The following ASPG variants were observed in gnomAD, a reference collection of about 807,000 sequenced individuals.
ASPG encodes asparaginase.
A neutral mutation model predicts 63.2 loss-of-function variants in ASPG; 53 were observed. That is an observed-to-expected ratio of 0.84 (90% CI 0.67 to 1.05). ASPG has a LOEUF of 1.05. ASPG is among the 50% of genes least tolerant of loss of function. The pLI is 0.00. For missense variants in ASPG, 741 were observed against 794.4 expected (o/e 0.93, Z 0.81); for synonymous variants, 370 against 355.0 (o/e 1.04, Z -0.48).
chr14:104,111,252 T>C (rs2141064530), intron 13 of ASPG: 5 of 917,036 alleles, frequency 5.5e-6, no homozygotes, highest in Middle Eastern at 5.6e-4. Flanking sequence ...CTGCTGTGTG[T>C]GCATGTGTGT....
In ASPG at chr14:104,098,043, GGTTTTGC is replaced by G. The variant is rs1305683787; in HGVS notation, c.513+410_513+416del. Among the ~76,000 whole-genome samples the G allele has an allele frequency of 7.8e-3, 634 of 81,730 alleles. 84 individuals are homozygous for G. The highest frequency in any genetic ancestry group is 0.012 in the Middle Eastern group (2 of 170). The allele number at this position is 81,730 out of a possible 152,430, so 53.6% of individuals were successfully genotyped here. ...GTTCTGCGTTAGAGATGCGTATGGA[GGTTTTGC>G]GTTAGAGATGCGTATGGAGGTTTTG... On this transcript the variant is annotated intron_variant, in intron 5 of 15. Transcript: ENST00000551177.
chr14:104,090,431 C>T (rs547371760), intron 1 of ASPG, among the ~76,000 whole-genome samples: 19 of 152,378 alleles, frequency 1.2e-4, no homozygotes, highest in African/African-American at 4.3e-4. Context: ...TTCCTGTGGC[C>T]ACTGTGCCGG....
chr14:104,107,321 C>G lies in ASPG; in HGVS notation c.1409C>G (p.Pro470Arg). 1 of 1,592,426 alleles carries G rather than the reference C, an allele frequency of 6.3e-7. No homozygotes were observed. Among genetic ancestry groups the G allele is most frequent in the East Asian group, 2.2e-5 (1 of 44,468 alleles). ...ACCCGGGACACGGATGGCTTCAGCCCGCTGCTGCTGGCCGTGCGGGGCAGG... is the reference window on the plus strand; with the variant it reads ...ACCCGGGACACGGATGGCTTCAGCCGGCTGCTGCTGGCCGTGCGGGGCAGG... The part of the protein sequence containing the change: ...VNTRDTDGFS[P>R]LLLAVRGRHP... Residue 470 changes from proline (P) to arginine (R), a missense_variant, in exon 12 of 16, where the codon CCG becomes CGG. By Grantham distance (103) the Pro-to-Arg change is moderately radical. Coordinates refer to ENST00000551177, the MANE Select transcript of ASPG (RefSeq NM_001080464.3).
At position 104,113,876 on chromosome 14, in the gene ASPG, G is replaced by C. The variant is rs1341290595; in HGVS notation, c.*1332G>C. 6.6e-6 allele frequency: 1 copy of C among 152,378 alleles called. No homozygotes were observed. The highest frequency in any genetic ancestry group is 1.5e-5 in the Non-Finnish European group (1 of 68,156). The allele number at this position is 152,378 out of a possible 1,614,324, so 9.4% of individuals were successfully genotyped here. A position where few individuals can be genotyped will look rare whatever the true frequency, so the allele number is the denominator to read the frequency against. Reference sequence around the variant, plus strand: ...CCATGAGGGGCTGCAGGTGGAGGGAGGGTGGCACCGGGCCCCAGAGCCAGG... The same window carrying C: ...CCATGAGGGGCTGCAGGTGGAGGGACGGTGGCACCGGGCCCCAGAGCCAGG... On this transcript the variant is annotated 3_prime_UTR_variant, in exon 16 of 16. Coordinates refer to ENST00000551177, the MANE Select transcript of ASPG (RefSeq NM_001080464.3).
At position 104,095,636 on chromosome 14, in the gene ASPG, G is replaced by A. The variant is rs1486419463; in HGVS notation, c.409G>A (p.Val137Ile). 6.2e-7 allele frequency: 1 copy of A among 1,612,936 alleles called. No individual in the cohort carries two copies. Among genetic ancestry groups the A allele is most frequent in the South Asian group, 1.1e-5 (1 of 91,088 alleles). Reference protein sequence around the residue: ...SFMLENLQKTVILTGAQVPIH... With the variant: ...SFMLENLQKTIILTGAQVPIH... ...CATGCTGGAGAACCTGCAGAAGACT[G>A]TCATCCTCACTGGGGCCCAGGTAAT... Residue 137 changes from valine (V) to isoleucine (I), a missense_variant, in exon 4 of 16, where the codon GTC (valine) becomes ATC (isoleucine). Transcript: ENST00000551177.
chr14:104,104,101 C>A (rs1170223119), intron 7 of ASPG, among the ~76,000 whole-genome samples: 1 of 152,238 alleles, frequency 6.6e-6, no homozygotes, highest in Admixed American at 6.5e-5. Flanking sequence ...CAGGGCGACC[C>A]TTTGGGAGAA....
intron 1 of ASPG, among the ~76,000 whole-genome samples, chr14:104,086,144 C>G (rs2036216612): frequency 6.6e-6 from 1 of 152,214 alleles, no homozygotes; most frequent in East Asian, 1.9e-4. Flanking sequence ...GGCCAGCGTC[C>G]TGAAGTCCTG....
At chr14:104,085,901 C>G (rs1346000128) in intron 1 of ASPG, 49 bp downstream of exon 1, 1 of 1,512,910 alleles carries the variant, frequency 6.6e-7, no homozygotes, top group Non-Finnish European at 8.8e-7. Context: ...TGGCCGCGAC[C>G]GGGAGCCTCG....
At chr14:104,112,024 C>G (rs1440617988) in intron 15 of ASPG, 24 bp downstream of exon 15, 1 of 1,542,734 alleles carries the variant, frequency 6.5e-7, no homozygotes. Context: ...CCAGGCGGGG[C>G]TGACACCCCC....
rs199784401 is a variant in ASPG at position 104,093,589 on chromosome 14, C to T, written c.290C>T (p.Ala97Val). ...ACCATCGCTGAGTGGGTTTGCCTTG[C>T]CCAGACCATCAAGGTAGTGGGGCTG... is the stretch of plus-strand genomic sequence containing the variant. ...DMTIAEWVCL[A>V]QTIKRHYEQY... Residue 97 changes from alanine to valine, a missense_variant, in exon 3 of 16, where the codon GCC becomes GTC. Ala to Val is a moderately conservative substitution (Grantham distance 64, BLOSUM62 0). Transcript: ENST00000551177. The T allele has an allele frequency of 1.6e-5, 25 of 1,604,328 alleles. No individual in the cohort carries two copies. In the East Asian group the frequency reaches 5.6e-4, roughly 36 times the overall value.
intron 10 of ASPG, 82 bp from the exon 11 acceptor site, chr14:104,106,717 G>T: frequency 8.0e-7 from 1 of 1,251,256 alleles, no homozygotes; most frequent in Non-Finnish European, 1.1e-6. Context: ...GGCTGGCAGG[G>T]GTCATACAGC....
intron 1 of ASPG, among the ~76,000 whole-genome samples, chr14:104,092,186 A>G (rs961158877): frequency 6.6e-6 from 1 of 152,108 alleles, no homozygotes; most frequent in African/African-American, 2.4e-5. Context: ...TGGTGTCCCA[A>G]TCTGGGCCTT....
intron 4 of ASPG, 100 bp downstream of exon 4, chr14:104,095,756 C>G (rs1482339895): frequency 6.7e-7 from 1 of 1,488,464 alleles, no homozygotes; most frequent in Non-Finnish European, 9.1e-7. Context: ...GGGCTTCCTG[C>G]TCAGCCCAGC....
chr14:104,107,853 C>G (rs1337816559), intron 12 of ASPG, among the ~76,000 whole-genome samples: 1 of 151,986 alleles, frequency 6.6e-6, no homozygotes, highest in Non-Finnish European at 1.5e-5. Context: ...GGATCTGCGT[C>G]CCGTCTCCCC....
intron 3 of ASPG, among the ~76,000 whole-genome samples, chr14:104,094,324 G>A (rs376476630): frequency 2.0e-5 from 3 of 152,172 alleles, no homozygotes; most frequent in African/African-American, 7.2e-5. Flanking sequence ...CCCTCTGTCC[G>A]TCCCCGCCCA....
At chr14:104,094,861 C>T (rs561482477) in intron 3 of ASPG, among the ~76,000 whole-genome samples, 4 of 152,234 alleles carry the variant, frequency 2.6e-5, no homozygotes, top group Non-Finnish European at 5.9e-5. Context: ...GCCTCCGCTC[C>T]TCTGCAGTTC....
intron 10 of ASPG, 85 bp downstream of exon 10, chr14:104,105,535 GC>G (rs2037085051): frequency 7.6e-6 from 11 of 1,451,354 alleles, no homozygotes; most frequent in Non-Finnish European, 1.8e-6. Context: ...GCAGGCACGA[GC>G]CCCTGTAGCC....
intron 13 of ASPG, 110 bp from the exon 14 acceptor site, chr14:104,111,392 T>C: frequency 9.0e-7 from 1 of 1,108,076 alleles, no homozygotes; most frequent in East Asian, 2.7e-5. Context: ...GGGTCAGCTG[T>C]TTGGGGCTGG....
rs1596114336 is a variant in ASPG at position 104,110,542 on chromosome 14, C to A, written c.1521-960C>A. 1.0e-6 allele frequency: 1 copy of A among 985,312 alleles called. No individual in the cohort carries two copies. Among genetic ancestry groups the A allele is most frequent in the East Asian group, 1.1e-4 (1 of 8,796 alleles). The allele number at this position is 985,312 out of a possible 1,614,324, so 61.0% of individuals were successfully genotyped here. A position where few individuals can be genotyped will look rare whatever the true frequency, so the allele number is the denominator to read the frequency against. ...GCCTGAGCTGCTGGCTGGACTTGAG[C>A]CCCTCGGCTAGGCCTTCCTAGGGGC... On this transcript the variant is annotated intron_variant, in intron 13 of 15. Coordinates refer to ENST00000551177, the MANE Select transcript of ASPG (RefSeq NM_001080464.3). The surrounding 1 kb of genome is among the most constrained non-coding windows in gnomAD (Gnocchi z 4.7).
Sources: gnomAD v4.1 joint callset for allele counts (sites outside exome capture counted in the v4.1 genomes callset) on GRCh38, gnomAD v4.1.1 for gene constraint, Gnocchi (gnomAD v3.1) non-coding constraint, MANE v1.5 for transcripts, NCBI Gene and HGNC (gene_info 2026-07-23, HGNC 2026-07-21) for gene names.